Variants in MAPK10 observed in about 807,000 individuals in gnomAD.
The protein encoded by MAPK10 is mitogen-activated protein kinase 10, also known as JNK3 alpha protein kinase.
MAPK10 carries 25 observed loss-of-function variants against 59.3 expected under a neutral mutation model. The ratio of observed to expected loss-of-function variants is 0.42; its 90% CI spans 0.31 to 0.59. The LOEUF (loss-of-function observed/expected upper bound fraction) is 0.59, where lower values mean the gene tolerates loss of function less well. MAPK10 is among the 20% of genes least tolerant of loss of function. The probability of loss-of-function intolerance (pLI) is 0.15; values close to 1 mark genes in which losing one functional copy is unlikely to be tolerated. For synonymous variants in MAPK10, 190 were observed against 200.5 expected (o/e 0.95, Z 0.44); for missense variants, 351 against 568.9 (o/e 0.62, Z 3.90).
At chr4:86,333,324 C>T (rs7689808) in intron 2 of MAPK10, among the ~76,000 whole-genome samples, 108,694 of 151,948 alleles carry the variant, frequency 0.72, 39,782 homozygotes, top group South Asian at 0.9. Flanking sequence ...TGCTCTGCCC[C>T]GAAATCAAAT....
intron 1 of MAPK10, among the ~76,000 whole-genome samples, chr4:86,565,422 A>C (rs1269119963): frequency 2.0e-5 from 3 of 152,212 alleles, no homozygotes; most frequent in African/African-American, 7.2e-5. Context: ...TGTAGTCTAT[A>C]AATTACTCTC....
At chr4:86,382,691 A>G (rs552171133) in intron 1 of MAPK10, among the ~76,000 whole-genome samples, 1 of 152,272 alleles carries the variant, frequency 6.6e-6, no homozygotes, top group East Asian at 1.9e-4. Flanking sequence ...ATGGCCATAC[A>G]TTTCTTTGAG....
At chr4:86,372,588 G>GAA (rs1225483991) in intron 1 of MAPK10, among the ~76,000 whole-genome samples, 2 of 150,276 alleles carry the variant, frequency 1.3e-5, no homozygotes, top group African/African-American at 2.5e-5. Flanking sequence ...GAAAAGAAAA[G>GAA]AAAAGAAAAG....
rs569487921 is a variant in MAPK10, at chr4:86,551,340, A to G, written c.-263+42570T>C. ...TTTGCCAATGAAACTAGGCAAAATG[A>G]GATGAAAGAATTTTGGCTGTGATTT... On this transcript the variant is annotated intron_variant, in intron 1 of 4. Transcript: ENST00000502302. 6.0e-4 allele frequency among the ~76,000 whole-genome samples: 92 copies of G among 152,348 alleles called. 1 individual carries two copies. Among genetic ancestry groups the G allele is most frequent in the Non-Finnish European group, 9.8e-4 (67 of 68,030 alleles).
At chr4:86,436,270 CT>C (rs1480636887) in intron 1 of MAPK10, among the ~76,000 whole-genome samples, 1 of 152,088 alleles carries the variant, frequency 6.6e-6, no homozygotes, top group Non-Finnish European at 1.5e-5. Flanking sequence ...CACTAAAATC[CT>C]TTTAGTTTTA....
At chr4:86,315,332 C>A (rs745668004) in intron 2 of MAPK10, among the ~76,000 whole-genome samples, 1 of 151,880 alleles carries the variant, frequency 6.6e-6, no homozygotes, top group Non-Finnish European at 1.5e-5. Flanking sequence ...TAAGACCTAG[C>A]GTTTGAAAGC....
rs146300017 is a variant in MAPK10, at chr4:86,010,477, G to A, written c.*6751C>T. The stretch of plus-strand genomic sequence containing the variant: ...CCATGCAATATATATCTCCTACACC[G>A]AAGTGTCCAAGAAATGTTTTTGGAG... On this transcript the variant is annotated 3_prime_UTR_variant, in exon 14 of 14. Coordinates refer to ENST00000641462, the MANE Select transcript of MAPK10 (RefSeq NM_138982.4). 9.9e-4 allele frequency: 150 copies of A among 152,184 alleles called. No individual in the cohort carries two copies. The highest frequency in any genetic ancestry group is 3.1e-3 in the African/African-American group (130 of 41,524). The allele number at this position is 152,184 out of a possible 1,614,324, so 9.4% of individuals were successfully genotyped here.
intron 1 of MAPK10, among the ~76,000 whole-genome samples, chr4:86,526,664 A>T (rs1757488332): frequency 6.6e-6 from 1 of 152,184 alleles, no homozygotes; most frequent in South Asian, 2.1e-4. Context: ...ATGTTAGATC[A>T]TTAATTTGAG....
At chr4:86,306,256 T>C (rs1326325206) in intron 2 of MAPK10, among the ~76,000 whole-genome samples, 1 of 152,258 alleles carries the variant, frequency 6.6e-6, no homozygotes, top group Non-Finnish European at 1.5e-5. Context: ...TGTTTTATAT[T>C]TTTGCAAATC....
intron 1 of MAPK10, among the ~76,000 whole-genome samples, chr4:86,580,978 C>T (rs1006207239): frequency 1.3e-5 from 2 of 152,178 alleles, no homozygotes; most frequent in South Asian, 2.1e-4. Flanking sequence ...AAGATTCTCC[C>T]AGAGTGCAAA....
At chr4:86,212,502 C>T (rs114357907) in intron 2 of MAPK10, among the ~76,000 whole-genome samples, 12,929 of 152,172 alleles carry the variant, frequency 0.085, 1,217 homozygotes, top group African/African-American at 0.23. Flanking sequence ...GCCTGGGCAA[C>T]AAAGTGAGAC....
intron 1 of MAPK10, among the ~76,000 whole-genome samples, chr4:86,377,954 A>T (rs1475584324): frequency 1.3e-5 from 2 of 152,062 alleles, no homozygotes; most frequent in Non-Finnish European, 2.9e-5. Flanking sequence ...AGCTGATTAG[A>T]TTGTGCCCAC....
chr4:86,343,562 T>C (rs944766760), intron 2 of MAPK10, among the ~76,000 whole-genome samples: 1 of 152,210 alleles, frequency 6.6e-6, no homozygotes, highest in African/African-American at 2.4e-5. Context: ...ATACAACAGA[T>C]ACTTTTTAGG....
chr4:86,025,316 G>A (rs945817727), intron 13 of MAPK10: 3 of 389,952 alleles, frequency 7.7e-6, no homozygotes, highest in Non-Finnish European at 9.0e-6. Context: ...TCCCTCTATT[G>A]CGCTATAATA....
At chr4:86,040,087 G>A (rs934301081) in intron 11 of MAPK10, among the ~76,000 whole-genome samples, 2 of 152,166 alleles carry the variant, frequency 1.3e-5, no homozygotes, top group African/African-American at 4.8e-5. Context: ...ACAGACATCA[G>A]TGTAAGGAAA....
intron 1 of MAPK10, among the ~76,000 whole-genome samples, chr4:86,469,834 T>A (rs1328084837): frequency 6.6e-6 from 1 of 152,192 alleles, no homozygotes; most frequent in Non-Finnish European, 1.5e-5. Context: ...GAGATTTTTT[T>A]AAGACTAAGA....
intron 10 of MAPK10, among the ~76,000 whole-genome samples, chr4:86,066,752 CAAAAAA>C (rs60413311): frequency 1.2e-5 from 1 of 86,528 alleles, no homozygotes; most frequent in Non-Finnish European, 2.3e-5. Flanking sequence ...GACTCTGTCT[CAAAAAA>C]AAAAAAAAAA....
intron 1 of MAPK10, among the ~76,000 whole-genome samples, chr4:86,528,023 G>A (rs1382448941): frequency 6.6e-6 from 1 of 152,164 alleles, no homozygotes; most frequent in African/African-American, 2.4e-5. Context: ...GAGGGGACAA[G>A]GACTGAAATA....
intron 4 of MAPK10, among the ~76,000 whole-genome samples, chr4:86,148,629 G>C (rs774296728): frequency 2.0e-5 from 3 of 152,166 alleles, no homozygotes; most frequent in Non-Finnish European, 4.4e-5. Flanking sequence ...AATCTGGAAA[G>C]AGAAAGGAAG....
Sources: allele counts gnomAD v4.1 joint callset (sites outside exome capture counted in the v4.1 genomes callset), GRCh38; gene constraint gnomAD v4.1.1; transcripts MANE v1.5; gene names NCBI Gene and HGNC (gene_info 2026-07-23, HGNC 2026-07-21).